The following MME variants were observed in gnomAD, a reference collection of about 807,000 sequenced individuals.
The protein encoded by MME is neprilysin.
Under a neutral mutation model 113.2 loss-of-function variants are expected in MME, and 98 were observed. That is an observed-to-expected ratio of 0.87 (90% CI 0.74 to 1.02). The LOEUF (loss-of-function observed/expected upper bound fraction) is 1.02. Among genes scored for constraint, MME ranks in the 50% least tolerant of loss-of-function variants. MME has a pLI of 0.00. For synonymous variants in MME, 292 were observed against 300.6 expected, an observed-to-expected ratio of 0.97 and a Z score of 0.30; for missense variants, 836 against 896.0, an observed-to-expected ratio of 0.93 and a Z score of 0.86.
At chr3:155,113,850 G>T (rs180865605) in intron 3 of MME, among the ~76,000 whole-genome samples, 1 of 152,060 alleles carries the variant, frequency 6.6e-6, no homozygotes, top group Non-Finnish European at 1.5e-5. Context: ...GTATACTAAG[G>T]CATACAACTC....
At chr3:155,105,377 A>G (rs538585835) in intron 3 of MME, among the ~76,000 whole-genome samples, 4 of 152,318 alleles carry the variant, frequency 2.6e-5, no homozygotes, top group Admixed American at 6.5e-5. Context: ...GAAAATTTTT[A>G]AATGTCATTT....
rs568755896 is a variant in MME at position 155,105,043 on chromosome 3, G to A, written c.197-9951G>A. Among the ~76,000 whole-genome samples the A allele has an allele frequency of 4.0e-4, 61 of 152,118 alleles. No individual in the cohort carries two copies. In the East Asian group the frequency reaches 4.1e-3, roughly 10 times the overall value. ...TATTAATAGAATATGTTTCGGTTGC[G>A]AATTCTGGAGGAATCCCTACTGGAA... On this transcript the variant is annotated intron_variant, in intron 3 of 22. Coordinates refer to ENST00000360490, the MANE Select transcript of MME (RefSeq NM_007289.4).
intron 8 of MME, among the ~76,000 whole-genome samples, chr3:155,135,880 G>C (rs1374137426): frequency 1.3e-5 from 2 of 152,046 alleles, no homozygotes; most frequent in African/African-American, 2.4e-5. Flanking sequence ...AGATATTTAT[G>C]TAATGTGTAT....
chr3:155,161,725 C>A (rs769321145), intron 17 of MME, among the ~76,000 whole-genome samples: 2 of 152,066 alleles, frequency 1.3e-5, no homozygotes, highest in Non-Finnish European at 2.9e-5. Context: ...CCAGAAAAGA[C>A]TGTTTTGTAT....
At chr3:155,075,098 T>C (rs1489920645), upstream of MME, among the ~76,000 whole-genome samples, 1 of 151,978 alleles carries the variant, frequency 6.6e-6, no homozygotes, top group East Asian at 1.9e-4. Context: ...CTTTTAATTC[T>C]TATATTATTT....
intron 17 of MME, among the ~76,000 whole-genome samples, 156 bp from the exon 18 acceptor site, chr3:155,166,746 C>T (rs1464132838): frequency 6.6e-6 from 1 of 152,198 alleles, no homozygotes; most frequent in Non-Finnish European, 1.5e-5. Flanking sequence ...TTAGCAAGCA[C>T]AAAGCCAACC....
intron 1 of MME, among the ~76,000 whole-genome samples, chr3:155,029,779 G>C (rs1479581301): frequency 6.6e-6 from 1 of 151,872 alleles, no homozygotes; most frequent in African/African-American, 2.4e-5. Context: ...TGAACGAAAA[G>C]GCATTTGAGT....
chr3:155,156,176 G>C (rs746888255), intron 16 of MME, among the ~76,000 whole-genome samples: 5 of 152,158 alleles, frequency 3.3e-5, no homozygotes, highest in Non-Finnish European at 7.4e-5. Flanking sequence ...GGAGTCAGGG[G>C]GTGAGGGGAG....
intron 1 of MME, among the ~76,000 whole-genome samples, chr3:155,036,128 CA>C (rs976315989): frequency 1.3e-5 from 2 of 151,920 alleles, no homozygotes; most frequent in African/African-American, 4.8e-5. Flanking sequence ...AGGAAGACTC[CA>C]ATATTTATGG....
intron 1 of MME, among the ~76,000 whole-genome samples, chr3:155,038,084 G>A (rs1040907796): frequency 2.6e-5 from 4 of 152,130 alleles, no homozygotes; most frequent in African/African-American, 4.8e-5. Context: ...TTCCAAACAC[G>A]TAGTTTGCTA....
chr3:155,154,634 C>T (rs941645343), intron 16 of MME, among the ~76,000 whole-genome samples: 1 of 152,172 alleles, frequency 6.6e-6, no homozygotes, highest in Non-Finnish European at 1.5e-5. Context: ...AGAAGTACCT[C>T]GCTTCTTTCT....
chr3:155,175,380 A>G (rs1712416952), intron 22 of MME, among the ~76,000 whole-genome samples: 1 of 151,930 alleles, frequency 6.6e-6, no homozygotes, highest in Non-Finnish European at 1.5e-5. Context: ...TTAAATTTAA[A>G]TGGTATTTAA....
At chr3:155,085,659 G>C (rs1189835861) in intron 3 of MME, 2 of 152,622 alleles carry the variant, frequency 1.3e-5, no homozygotes, top group Non-Finnish European at 2.9e-5. Context: ...AGCCTCCCAA[G>C]TAGCTGGGAC....
chr3:155,125,676 G>T (rs536077877), intron 8 of MME, among the ~76,000 whole-genome samples: 1 of 151,860 alleles, frequency 6.6e-6, no homozygotes, highest in South Asian at 2.1e-4. Flanking sequence ...GGCCAGTGTG[G>T]TCTCGAACTC....
chr3:155,170,807 G>C (rs1365401180), intron 20 of MME, among the ~76,000 whole-genome samples: 1 of 152,004 alleles, frequency 6.6e-6, no homozygotes, highest in African/African-American at 2.4e-5. Context: ...GCTCTGACTG[G>C]TTTGCTCCTA....
At chr3:155,102,004 A>G (rs1717275735) in intron 3 of MME, among the ~76,000 whole-genome samples, 1 of 152,166 alleles carries the variant, frequency 6.6e-6, no homozygotes. Flanking sequence ...CATCACACCT[A>G]TTAGGAGGGG....
intron 17 of MME, among the ~76,000 whole-genome samples, chr3:155,162,198 C>G (rs1722767713): frequency 6.6e-6 from 1 of 152,156 alleles, no homozygotes; most frequent in South Asian, 2.1e-4. Flanking sequence ...CTGGCATGTT[C>G]AGTCCTTCAG....
chr3:155,161,579 A>C (rs1003522881), intron 17 of MME, among the ~76,000 whole-genome samples: 1 of 152,116 alleles, frequency 6.6e-6, no homozygotes, highest in Non-Finnish European at 1.5e-5. Flanking sequence ...GTTGCTTTCA[A>C]GTCTAAAAAG....
intron 3 of MME, among the ~76,000 whole-genome samples, chr3:155,105,934 A>G (rs909538553): frequency 7.2e-5 from 11 of 152,216 alleles, no homozygotes; most frequent in African/African-American, 2.4e-4. Context: ...TAGTGAATTT[A>G]TCTGATAGCA....
Sources: allele counts gnomAD v4.1 joint callset (sites outside exome capture counted in the v4.1 genomes callset), GRCh38; gene constraint gnomAD v4.1.1; transcripts MANE v1.5; gene names NCBI Gene and HGNC (gene_info 2026-07-23, HGNC 2026-07-21).